The following SERPINI1 variants were observed in gnomAD, a reference collection of about 807,000 sequenced individuals.
SERPINI1 encodes serpin family I member 1.
SERPINI1 carries 19 observed loss-of-function variants against 41.1 expected under a neutral mutation model. The ratio of observed to expected loss-of-function variants is 0.46; its 90% CI spans 0.32 to 0.68. The LOEUF is 0.68. Among genes scored for constraint, SERPINI1 ranks in the 30% least tolerant of loss-of-function variants. SERPINI1 has a pLI of 0.03. For synonymous variants in SERPINI1, 138 were observed against 156.6 expected (o/e 0.88, Z 0.89); for missense variants, 460 against 479.2 (o/e 0.96, Z 0.37).
At chr3:167,754,903 C>G (rs1343808297) in intron 1 of SERPINI1, among the ~76,000 whole-genome samples, 1 of 152,184 alleles carries the variant, frequency 6.6e-6, no homozygotes, top group Non-Finnish European at 1.5e-5. Flanking sequence ...CCTGCTAGCA[C>G]TTTTTCATTC....
chr3:167,761,384 T>G (rs992149109), intron 1 of SERPINI1, among the ~76,000 whole-genome samples: 20 of 152,238 alleles, frequency 1.3e-4, no homozygotes, highest in African/African-American at 4.6e-4. Flanking sequence ...AATTTCTAAT[T>G]GTATCATCAA....
At chr3:167,774,809 G>A (rs543507029) in intron 1 of SERPINI1, among the ~76,000 whole-genome samples, 3 of 152,110 alleles carry the variant, frequency 2.0e-5, no homozygotes, top group South Asian at 2.1e-4. Context: ...TGTCTCCCAC[G>A]AAACCTGTCC....
chr3:167,821,783 A>G (rs912903478), intron 6 of SERPINI1, among the ~76,000 whole-genome samples: 1 of 152,250 alleles, frequency 6.6e-6, no homozygotes, highest in Non-Finnish European at 1.5e-5. Flanking sequence ...ACATATATAC[A>G]TACATAATTA....
intron 1 of SERPINI1, among the ~76,000 whole-genome samples, chr3:167,772,823 ACTCT>A (rs1172788769): frequency 0.035 from 833 of 23,650 alleles, 80 homozygotes; most frequent in African/African-American, 0.073. Flanking sequence ...GTATCTTGAG[ACTCT>A]CTCTCTCTCT....
At chr3:167,755,214 A>G (rs1726159125) in intron 1 of SERPINI1, among the ~76,000 whole-genome samples, 1 of 152,156 alleles carries the variant, frequency 6.6e-6, no homozygotes, top group African/African-American at 2.4e-5. Context: ...TCCATGACCT[A>G]TTTCAGGATG....
At chr3:167,779,611 A>T (rs1251667005) in intron 1 of SERPINI1, among the ~76,000 whole-genome samples, 1 of 152,192 alleles carries the variant, frequency 6.6e-6, no homozygotes, top group African/African-American at 2.4e-5. Context: ...GATAATACCT[A>T]GTTTTCATTG....
intron 6 of SERPINI1, among the ~76,000 whole-genome samples, chr3:167,814,228 A>G (rs910312575): frequency 6.6e-6 from 1 of 152,140 alleles, no homozygotes; most frequent in Admixed American, 6.6e-5. Flanking sequence ...TCTCATTAGG[A>G]AGGAACTATT....
chr3:167,776,985 C>T (rs1016311221), intron 1 of SERPINI1, among the ~76,000 whole-genome samples: 9 of 152,156 alleles, frequency 5.9e-5, no homozygotes, highest in South Asian at 2.1e-4. Flanking sequence ...GTCAGTATAG[C>T]GAGAATCCCC....
intron 5 of SERPINI1, chr3:167,800,167 G>A (rs182958609): frequency 2.6e-5 from 4 of 152,208 alleles, no homozygotes; most frequent in Admixed American, 1.3e-4. Context: ...AATACCGCAA[G>A]ATTTATATAC....
intron 1 of SERPINI1, among the ~76,000 whole-genome samples, chr3:167,763,591 C>T (rs903009396): frequency 3.9e-5 from 6 of 152,144 alleles, no homozygotes; most frequent in African/African-American, 1.2e-4. Context: ...ACATGTTGCT[C>T]AGGCTGCTAT....
At chr3:167,769,595 G>T (rs1052993789) in intron 1 of SERPINI1, among the ~76,000 whole-genome samples, 2 of 152,094 alleles carry the variant, frequency 1.3e-5, no homozygotes, top group African/African-American at 2.4e-5. Flanking sequence ...CAGCCCTAAA[G>T]ATTATAGACA....
rs61735306 is a variant in SERPINI1 at position 167,789,234 on chromosome 3, C to A, written c.106C>A (p.Arg36Ser). Residue 36 changes from arginine (R) to serine (S), a missense_variant, in exon 2 of 9, where the codon CGT becomes AGT. By Grantham distance (110) the Arg-to-Ser change is moderately radical (BLOSUM62 -1). Transcript: ENST00000446050. ...IADLSVNMYN[R>S]LRATGEDENI... ...TGACTTGTCAGTGAATATGTATAAT[C>A]GTCTTAGAGCCACTGGTGAAGATGA... 1.2e-3 allele frequency: 2,012 copies of A among 1,614,004 alleles called. 1 individual carries two copies. Among genetic ancestry groups the A allele is most frequent in the Non-Finnish European group, 1.5e-3 (1,821 of 1,180,010 alleles).
chr3:167,787,598 G>A (rs926522148), intron 1 of SERPINI1, among the ~76,000 whole-genome samples: 1 of 152,220 alleles, frequency 6.6e-6, no homozygotes, highest in Non-Finnish European at 1.5e-5. Flanking sequence ...ATGAGTGACA[G>A]AGCCTGCCCC....
At chr3:167,762,072 G>C (rs1464391175) in intron 1 of SERPINI1, among the ~76,000 whole-genome samples, 1 of 152,026 alleles carries the variant, frequency 6.6e-6, no homozygotes, top group Non-Finnish European at 1.5e-5. Context: ...CTCGATGAAG[G>C]ACCCCATGTC....
chr3:167,780,546 T>C (rs921511658), intron 1 of SERPINI1, among the ~76,000 whole-genome samples: 4 of 152,316 alleles, frequency 2.6e-5, no homozygotes, highest in Non-Finnish European at 4.4e-5. Context: ...CAGACAGTCC[T>C]TTTGAATAAC....
At chr3:167,772,873 T>TATAC in intron 1 of SERPINI1, among the ~76,000 whole-genome samples, 1 of 59,718 alleles carries the variant, frequency 1.7e-5, no homozygotes, top group South Asian at 4.9e-4. Context: ...TCTATATATA[T>TATAC]ATATATATAT....
In SERPINI1 at chr3:167,794,739, A is replaced by T; in HGVS notation, c.796A>T (p.Thr266Ser). 1 of 1,613,658 alleles carries T rather than the reference A, an allele frequency of 6.2e-7. No homozygotes were observed. Among genetic ancestry groups the T allele is most frequent in the Non-Finnish European group, 8.5e-7 (1 of 1,179,792 alleles). The change falls in exon 5 of 9, where the codon ACT becomes TCT. Residue 266 changes from threonine (T) to serine (S), a missense_variant. Coordinates refer to ENST00000446050, the MANE Select transcript of SERPINI1 (RefSeq NM_001122752.2). The stretch of plus-strand genomic sequence containing the variant: ...GTCCAGACAGGAAGTTCCTCTTGCT[A>T]CTCTGGAGCCATTAGTCAAAGCACA... Reference protein sequence around the residue: ...VLSRQEVPLATLEPLVKAQLV... With the variant: ...VLSRQEVPLASLEPLVKAQLV...
chr3:167,767,975 C>G (rs1033425874), intron 1 of SERPINI1, among the ~76,000 whole-genome samples: 1 of 152,140 alleles, frequency 6.6e-6, no homozygotes, highest in Non-Finnish European at 1.5e-5. Context: ...AGAATTTAGA[C>G]TATTACAAAA....
chr3:167,790,626 C>T (rs765416516), intron 3 of SERPINI1, 24 bp downstream of exon 3: 7 of 1,514,910 alleles, frequency 4.6e-6, no homozygotes, highest in Admixed American at 1.7e-5. Context: ...TTCCTTTCTT[C>T]CTCTAGTAGC....
Sources: allele counts gnomAD v4.1 joint callset (sites outside exome capture counted in the v4.1 genomes callset), GRCh38; gene constraint gnomAD v4.1.1; transcripts MANE v1.5; gene names NCBI Gene and HGNC (gene_info 2026-07-23, HGNC 2026-07-21).